Variants in ERICH1 observed in about 807,000 individuals in gnomAD.
The protein encoded by ERICH1 is glutamate-rich protein 1.
In ERICH1, 56 loss-of-function variants were observed where a neutral mutation model predicts 39.6. That is an observed-to-expected ratio of 1.41 (90% CI 1.14 to 1.77). ERICH1 has a LOEUF of 1.77. Among genes scored for constraint, ERICH1 ranks in the 40% most tolerant of loss-of-function variants. The pLI is 0.00. For synonymous variants in ERICH1, 313 were observed against 223.6 expected (o/e 1.40, Z -3.57); for missense variants, 826 against 575.4 (o/e 1.44, Z -4.45).
chr8:697,426 G>A (rs539286947), intron 2 of ERICH1, among the ~76,000 whole-genome samples: 2 of 152,168 alleles, frequency 1.3e-5, no homozygotes, highest in Non-Finnish European at 2.9e-5. Flanking sequence ...ATGCAACTCC[G>A]TCATCCTGCT....
intron 1 of ERICH1, among the ~76,000 whole-genome samples, chr8:721,736 T>G (rs553440788): frequency 6.6e-6 from 1 of 152,298 alleles, no homozygotes; most frequent in South Asian, 2.1e-4. Context: ...ACTTCGCGAC[T>G]AATACCAAAA....
At chr8:712,689 G>C (rs111784012) in intron 2 of ERICH1, among the ~76,000 whole-genome samples, 1,969 of 152,206 alleles carry the variant, frequency 0.013, 14 homozygotes, top group Non-Finnish European at 0.02. Flanking sequence ...CGCCCACCTT[G>C]GCCTCCCAAA....
rs573376326 is a variant in ERICH1 at position 619,395 on chromosome 8, TA to T, written c.977-4112del. ...TTCTTCTTTCTTCTCAACTTATTTT[TA>T]AAATGCTTACATAAAAGAATATGTA... is the stretch of plus-strand genomic sequence containing the variant. On this transcript the variant is annotated intron_variant, in intron 3 of 3. Coordinates refer to the ERICH1 transcript ENST00000522706. Among the ~76,000 whole-genome samples, 711 of 152,322 alleles carry T rather than the reference TA, an allele frequency of 4.7e-3. 3 individuals are homozygous for T. Among genetic ancestry groups the T allele is most frequent in the Non-Finnish European group, 7.3e-3 (497 of 68,030 alleles).
At chr8:731,069 A>T in intron 1 of ERICH1, 71 bp downstream of exon 1, 1 of 1,383,700 alleles carries the variant, frequency 7.2e-7, no homozygotes, top group Non-Finnish European at 9.4e-7. Flanking sequence ...CGGGGTCCCG[A>T]GTCAACACCG....
At chr8:656,930 T>A (rs1800736043) in intron 3 of ERICH1, 1 of 789,848 alleles carries the variant, frequency 1.3e-6, no homozygotes, top group African/African-American at 1.9e-5. Context: ...CCTTATATGT[T>A]AACCTAAATA....
In ERICH1 at chr8:675,117, T is replaced by A. The variant is rs1703915; in HGVS notation, c.305-1070A>T. The stretch of plus-strand genomic sequence containing the variant: ...CAACACCTCAGTGAGGACAGAGACG[T>A]GGCGGCCCCTCGGCGAGGACAGAGA... On this transcript the variant is annotated intron_variant, in intron 3 of 5. Transcript: ENST00000262109. 8.6e-5 allele frequency among the ~76,000 whole-genome samples: 5 copies of A among 58,336 alleles called. No individual in the cohort carries two copies. In the East Asian group the frequency reaches 1.7e-3, roughly 20 times the overall value. The allele number at this position is 58,336 out of a possible 152,430, so 38.3% of individuals were successfully genotyped here. A position where few individuals can be genotyped will look rare whatever the true frequency, so the allele number is the denominator to read the frequency against.
At chr8:668,205 T>C (rs1802575772) in intron 5 of ERICH1, 1 of 260,478 alleles carries the variant, frequency 3.8e-6, no homozygotes, top group South Asian at 4.7e-5. Flanking sequence ...AAAATAAAAG[T>C]CGTCATCACC....
chr8:715,736 G>A (rs569745644), intron 2 of ERICH1, 125 bp downstream of exon 2: 10 of 1,330,104 alleles, frequency 7.5e-6, no homozygotes, highest in Non-Finnish European at 9.2e-6. Context: ...CCCACCTGCT[G>A]CAGGCCCTCT....
chr8:718,831 T>A (rs999098747), intron 1 of ERICH1, among the ~76,000 whole-genome samples: 10 of 152,328 alleles, frequency 6.6e-5, no homozygotes, highest in East Asian at 3.9e-4. Flanking sequence ...CCTGCACGCC[T>A]GCTCAGGTGC....
intron 3 of ERICH1, among the ~76,000 whole-genome samples, chr8:686,075 G>A (rs2132000328): frequency 6.6e-6 from 1 of 151,952 alleles, no homozygotes; most frequent in East Asian, 1.9e-4. Flanking sequence ...CAGGAGGGCG[G>A]CTTAAACCCA....
intron 3 of ERICH1, among the ~76,000 whole-genome samples, chr8:623,768 C>T (rs1797427391): frequency 6.6e-6 from 1 of 152,146 alleles, no homozygotes; most frequent in Non-Finnish European, 1.5e-5. Context: ...GGACCACAGA[C>T]CTTAGTGTCA....
chr8:715,747 G>A, intron 2 of ERICH1, 114 bp downstream of exon 2: 5 of 1,417,532 alleles, frequency 3.5e-6, no homozygotes, highest in Non-Finnish European at 4.8e-6. Flanking sequence ...CAGGCCCTCT[G>A]CAGACCTGCA....
chr8:680,548 A>T (rs1805881165), intron 3 of ERICH1, among the ~76,000 whole-genome samples: 2 of 148,108 alleles, frequency 1.4e-5, no homozygotes, highest in Non-Finnish European at 3.0e-5. Flanking sequence ...AAAGTCCAAG[A>T]GAATCCACAG....
rs751694325 is a variant in ERICH1, at chr8:691,928, A to G, written c.304+550T>C. Among the ~76,000 whole-genome samples the G allele has an allele frequency of 6.2e-4, 94 of 152,362 alleles. 1 individual carries two copies. Among genetic ancestry groups the G allele is most frequent in the South Asian group, 1.7e-3 (8 of 4,830 alleles). Reference sequence around the variant, plus strand: ...ATTTCCCTTTTAAGGTAAAAAGTATATGGGCAACTTCAGCTTTTCCATGCT... The same window carrying G: ...ATTTCCCTTTTAAGGTAAAAAGTATGTGGGCAACTTCAGCTTTTCCATGCT... On this transcript the variant is annotated intron_variant, in intron 3 of 5. Transcript: ENST00000262109.
At position 698,341 on chromosome 8, in the gene ERICH1, C is replaced by T. The variant is rs530389472; in HGVS notation, c.170-5729G>A. On this transcript the variant is annotated intron_variant, in intron 2 of 5. Transcript: ENST00000262109. ...TCCAGCGACTCTCATTCCTCAGTCT[C>T]CCGAGTACCTGGGACTACAGGTGTG... Among the ~76,000 whole-genome samples the T allele has an allele frequency of 3.9e-5, 6 of 152,050 alleles. No homozygotes were observed. In the East Asian group the frequency reaches 9.8e-4, roughly 25 times the overall value.
intron 3 of ERICH1, among the ~76,000 whole-genome samples, chr8:658,149 G>A (rs1374157949): frequency 6.6e-6 from 1 of 152,228 alleles, no homozygotes; most frequent in Non-Finnish European, 1.5e-5. Context: ...TTGGCTTCCA[G>A]GGCTTCGGCT....
chr8:716,127 C>A (rs1815932960), intron 1 of ERICH1, 120 bp from the exon 2 acceptor site: 6 of 1,269,526 alleles, frequency 4.7e-6, no homozygotes, highest in East Asian at 5.4e-5. Flanking sequence ...CAACGGAGAC[C>A]CAAGTCCCTG....
chr8:641,724 C>A (rs1021789208), intron 3 of ERICH1, among the ~76,000 whole-genome samples: 2 of 152,180 alleles, frequency 1.3e-5, no homozygotes, highest in Admixed American at 6.5e-5. Flanking sequence ...GACCCCTCCC[C>A]CTCCCCGCCG....
chr8:619,616 T>TA (rs1334123292), intron 3 of ERICH1, among the ~76,000 whole-genome samples: 1 of 152,208 alleles, frequency 6.6e-6, no homozygotes, highest in African/African-American at 2.4e-5. Context: ...TTTATAAACA[T>TA]ATACTTGCTC....
Sources: gnomAD v4.1 joint callset for allele counts (sites outside exome capture counted in the v4.1 genomes callset) on GRCh38, gnomAD v4.1.1 for gene constraint, MANE v1.5 for transcripts, NCBI Gene and HGNC (gene_info 2026-07-23, HGNC 2026-07-21) for gene names.